CNBD1: variants seen among roughly 807,000 people sequenced by gnomAD.
CNBD1 encodes cyclic nucleotide binding domain containing 1, also known as cyclic nucleotide-binding domain-containing protein 1.
CNBD1 carries 71 observed loss-of-function variants against 54.4 expected under a neutral mutation model. The observed-to-expected ratio is 1.30, with a 90% CI of 1.08 to 1.59. CNBD1 has a LOEUF of 1.59. Among genes scored for constraint, CNBD1 ranks in the 40% most tolerant of loss-of-function variants. The pLI is 0.00. For missense variants in CNBD1, 659 were observed against 518.0 expected (o/e 1.27, Z -2.64); for synonymous variants, 182 against 170.7 (o/e 1.07, Z -0.51).
At chr8:87,376,375 C>T (rs1423155826) in intron 10 of CNBD1, among the ~76,000 whole-genome samples, 2 of 151,772 alleles carry the variant, frequency 1.3e-5, no homozygotes, top group East Asian at 2.0e-4. Flanking sequence ...CCTAAGGGCT[C>T]GGCCCTCAGC....
intron 4 of CNBD1, among the ~76,000 whole-genome samples, chr8:86,972,749 GA>G (rs2130493724): frequency 6.6e-6 from 1 of 152,232 alleles, no homozygotes; most frequent in Admixed American, 6.5e-5. Flanking sequence ...GAAGACACCA[GA>G]ACATATTACA....
chr8:86,936,937 T>C (rs1356224816), intron 3 of CNBD1, among the ~76,000 whole-genome samples: 1 of 152,200 alleles, frequency 6.6e-6, no homozygotes, highest in Non-Finnish European at 1.5e-5. Flanking sequence ...AGAAAATTTA[T>C]ATAAACTCTT....
chr8:87,337,221 G>T (rs1809961804), intron 8 of CNBD1, among the ~76,000 whole-genome samples: 1 of 152,152 alleles, frequency 6.6e-6, no homozygotes, highest in African/African-American at 2.4e-5. Flanking sequence ...CACTTTGGCT[G>T]TCCCTTGGTG....
intron 4 of CNBD1, among the ~76,000 whole-genome samples, chr8:87,004,422 G>T (rs533777164): frequency 1.3e-5 from 2 of 151,888 alleles, no homozygotes; most frequent in East Asian, 3.9e-4. Flanking sequence ...CTTTAAAAAC[G>T]TGTAACTTAT....
chr8:87,050,898 AG>A (rs1810297917), intron 4 of CNBD1, among the ~76,000 whole-genome samples: 1 of 152,114 alleles, frequency 6.6e-6, no homozygotes, highest in South Asian at 2.1e-4. Flanking sequence ...TTCTGGCTGT[AG>A]GGGGTATTGT....
intron 4 of CNBD1, among the ~76,000 whole-genome samples, chr8:87,152,506 G>T (rs1364638759): frequency 1.3e-5 from 2 of 151,822 alleles, no homozygotes; most frequent in African/African-American, 2.4e-5. Context: ...ATTTGTGTTG[G>T]GCCATAGTTA....
At chr8:87,178,725 T>C (rs1813249092) in intron 4 of CNBD1, among the ~76,000 whole-genome samples, 1 of 152,198 alleles carries the variant, frequency 6.6e-6, no homozygotes, top group Admixed American at 6.5e-5. Flanking sequence ...CTTGTAATAG[T>C]AGCAGGATGA....
chr8:87,152,710 T>C (rs955623933), intron 4 of CNBD1, among the ~76,000 whole-genome samples: 7 of 152,200 alleles, frequency 4.6e-5, no homozygotes, highest in African/African-American at 1.7e-4. Context: ...TTCACATTTT[T>C]ACAGTGGGAT....
At chr8:87,226,017 T>C (rs1814479423) in intron 5 of CNBD1, among the ~76,000 whole-genome samples, 3 of 151,500 alleles carry the variant, frequency 2.0e-5, no homozygotes, top group Admixed American at 6.6e-5. Context: ...GATTTTCTAG[T>C]TTATTTGCGT....
chr8:87,356,239 C>A (rs903035532), intron 10 of CNBD1, among the ~76,000 whole-genome samples: 1 of 152,098 alleles, frequency 6.6e-6, no homozygotes, highest in Non-Finnish European at 1.5e-5. Flanking sequence ...TGGGAAGCAG[C>A]TTTGGAACTG....
intron 4 of CNBD1, among the ~76,000 whole-genome samples, chr8:87,041,409 CCA>C (rs1388075038): frequency 6.6e-6 from 1 of 152,062 alleles, no homozygotes; most frequent in African/African-American, 2.4e-5. Context: ...ACAAAAGCAA[CCA>C]CGTCGGTGTG....
At chr8:87,075,669 C>T (rs1203554545) in intron 4 of CNBD1, among the ~76,000 whole-genome samples, 2 of 152,158 alleles carry the variant, frequency 1.3e-5, no homozygotes, top group African/African-American at 4.8e-5. Flanking sequence ...TGATTAAAGC[C>T]TTCTTCCTTG....
chr8:87,132,225 A>G (rs988282675), intron 4 of CNBD1, among the ~76,000 whole-genome samples: 2 of 151,882 alleles, frequency 1.3e-5, no homozygotes, highest in African/African-American at 2.4e-5. Flanking sequence ...TATATAATAC[A>G]TATAATTAAT....
intron 4 of CNBD1, among the ~76,000 whole-genome samples, chr8:87,001,214 G>T (rs1563853707): frequency 6.6e-6 from 1 of 151,884 alleles, no homozygotes; most frequent in African/African-American, 2.4e-5. Context: ...TGCTGATTAG[G>T]TGATTAATTT....
chr8:87,364,857 G>T (rs1810609487), intron 10 of CNBD1, among the ~76,000 whole-genome samples: 1 of 152,090 alleles, frequency 6.6e-6, no homozygotes, highest in South Asian at 2.1e-4. Context: ...ATTCCATGGT[G>T]TATGTGTACC....
At chr8:86,892,168 CT>C (rs1337589558) in intron 2 of CNBD1, among the ~76,000 whole-genome samples, 4 of 151,946 alleles carry the variant, frequency 2.6e-5, no homozygotes, top group African/African-American at 9.7e-5. Flanking sequence ...AACTTTTCAC[CT>C]TTGAGTATAG....
downstream of CNBD1, among the ~76,000 whole-genome samples, chr8:87,386,362 TG>T (rs1811187984): frequency 2.0e-5 from 3 of 151,694 alleles, no homozygotes; most frequent in Admixed American, 2.0e-4. Flanking sequence ...TTAAAAACCT[TG>T]AAAAAAAAAT....
intron 6 of CNBD1, among the ~76,000 whole-genome samples, chr8:87,284,350 A>G (rs893299631): frequency 6.6e-6 from 1 of 152,156 alleles, no homozygotes; most frequent in Non-Finnish European, 1.5e-5. Flanking sequence ...AGAAGATCAT[A>G]TATATAAGTG....
intron 4 of CNBD1, among the ~76,000 whole-genome samples, chr8:87,144,776 C>A (rs901780502): frequency 6.8e-6 from 1 of 147,890 alleles, no homozygotes; most frequent in African/African-American, 2.5e-5. Context: ...AGCCAAATTG[C>A]GCCATTGCAC....
Sources: gnomAD v4.1 joint callset for allele counts (sites outside exome capture counted in the v4.1 genomes callset) on GRCh38, gnomAD v4.1.1 for gene constraint, MANE v1.5 for transcripts, NCBI Gene and HGNC (gene_info 2026-07-23, HGNC 2026-07-21) for gene names.